The following NUP210L variants were observed in gnomAD, a reference collection of about 807,000 sequenced individuals.
The protein encoded by NUP210L is nucleoporin 210 like, also known as nuclear pore membrane glycoprotein 210-like.
NUP210L carries 74 observed loss-of-function variants against 208.5 expected under a neutral mutation model. The ratio of observed to expected loss-of-function variants is 0.35; its 90% CI spans 0.29 to 0.43. NUP210L has a LOEUF of 0.43. Ranked by LOEUF, NUP210L falls within the 20% of genes least tolerant of loss-of-function variation. NUP210L has a pLI of 1.00. For synonymous variants in NUP210L, 780 were observed against 816.9 expected (o/e 0.95, Z 0.77); for missense variants, 1,843 against 2,289.4 (o/e 0.81, Z 3.98).
At chr1:154,079,361 C>T (rs1199419016) in intron 16 of NUP210L, 1 of 152,068 alleles carries the variant, frequency 6.6e-6, no homozygotes, top group African/African-American at 2.4e-5. Flanking sequence ...TGGGCTTAAG[C>T]AAGCTCCCAC....
In NUP210L at chr1:154,152,851, T is replaced by G. The variant is rs761124843; in HGVS notation, c.225A>C (p.Ala75=). 1.9e-6 allele frequency: 3 copies of G among 1,613,934 alleles called. No homozygotes were observed. The African/African-American group carries it at 4.0e-5, about 22-fold the overall frequency. ...TTTCATATAAAGGCTCAACAGTAAC[T>G]GCATCATGATGGGTGGAATGCCTGC... The change falls in exon 2 of 40, where the codon GCA becomes GCC. Residue 75 remains alanine (A), a synonymous_variant. Transcript: ENST00000368559.
intron 6 of NUP210L, among the ~76,000 whole-genome samples, chr1:154,136,250 G>A (rs1452606173): frequency 6.6e-6 from 1 of 152,086 alleles, no homozygotes; most frequent in South Asian, 2.1e-4. Flanking sequence ...TTAGGAGTTC[G>A]AGACCAGCCT....
At chr1:154,016,533 T>G (rs181668433) in intron 33 of NUP210L, among the ~76,000 whole-genome samples, 44 of 152,060 alleles carry the variant, frequency 2.9e-4, no homozygotes, top group Non-Finnish European at 4.9e-4. Context: ...CAATCCACTA[T>G]TTCTCTCATA....
At chr1:154,061,775 C>T (rs1654155098) in intron 17 of NUP210L, 101 bp from the exon 18 acceptor site, 2 of 749,092 alleles carry the variant, frequency 2.7e-6, no homozygotes, top group African/African-American at 3.6e-5. Context: ...CCAAATGGTG[C>T]TTTATTGCAG....
At chr1:154,136,321 G>GT (rs1172867145) in intron 6 of NUP210L, among the ~76,000 whole-genome samples, 1 of 151,990 alleles carries the variant, frequency 6.6e-6, no homozygotes, top group Non-Finnish European at 1.5e-5. Context: ...GCGTGATGGC[G>GT]TGTGCCTGTA....
chr1:154,147,522 T>C (rs1659179572), intron 2 of NUP210L, among the ~76,000 whole-genome samples: 3 of 146,830 alleles, frequency 2.0e-5, no homozygotes, highest in East Asian at 2.1e-4. Context: ...TTTTTTTTTT[T>C]AGTAGAGACT....
At chr1:154,148,670 T>C (rs924447790) in intron 2 of NUP210L, among the ~76,000 whole-genome samples, 2 of 152,222 alleles carry the variant, frequency 1.3e-5, no homozygotes, top group African/African-American at 4.8e-5. Context: ...TCTAAAATCA[T>C]TTTTAAATTA....
rs1388752016 is a variant in NUP210L at position 154,006,768 on chromosome 1, T to C, written c.4930+3204A>G. Among the ~76,000 whole-genome samples, 3 of 146,794 alleles carry C rather than the reference T, an allele frequency of 2.0e-5. No individual in the cohort carries two copies. In the East Asian group the frequency reaches 6.0e-4, roughly 30 times the overall value. On this transcript the variant is annotated intron_variant, in intron 35 of 39. Transcript: ENST00000368559. ...CCTCGGCCTCCCAAACTGCTGGGAT[T>C]ACAGGCGTGAGCCACCATGCCTGGC...
exon 31 of NUP210L, chr1:154,023,258 T>C (rs772773548): frequency 5.6e-6 from 9 of 1,612,494 alleles, no homozygotes; most frequent in Non-Finnish European, 7.6e-6. Flanking sequence ...GTGTATAGCT[T>C]GGGTTGGCTG....
intron 15 of NUP210L, among the ~76,000 whole-genome samples, chr1:154,090,465 T>C (rs1028505122): frequency 1.3e-5 from 2 of 152,062 alleles, no homozygotes; most frequent in Admixed American, 6.6e-5. Flanking sequence ...CTCAACATGA[T>C]AAAAGCCTTA....
intron 6 of NUP210L, among the ~76,000 whole-genome samples, chr1:154,137,330 A>G (rs965364046): frequency 2.6e-5 from 4 of 152,276 alleles, no homozygotes; most frequent in African/African-American, 9.6e-5. Context: ...AGGCAGATGG[A>G]TCATGAGGCC....
intron 15 of NUP210L, 139 bp downstream of exon 15, chr1:154,094,796 C>T (rs926493094): frequency 6.0e-6 from 4 of 663,704 alleles, no homozygotes; most frequent in Non-Finnish European, 7.6e-6. Context: ...TTAGAAAAAA[C>T]AATCATTTGA....
At chr1:154,137,676 C>T (rs373548911) in intron 6 of NUP210L, among the ~76,000 whole-genome samples, 18 of 152,144 alleles carry the variant, frequency 1.2e-4, no homozygotes, top group African/African-American at 3.9e-4. Context: ...GATCATGCCA[C>T]TGTACTACAA....
rs1047694038 is a variant in NUP210L at position 154,089,412 on chromosome 1, T to C, written c.2361+9A>G. 1 of 1,613,384 alleles carries C rather than the reference T, an allele frequency of 6.2e-7. No individual in the cohort carries two copies. The highest frequency in any genetic ancestry group is 8.5e-7 in the Non-Finnish European group (1 of 1,179,440). On this transcript the variant is annotated intron_variant, in intron 16 of 39. Transcript: ENST00000368559. ...TGCCAACTTAGTTGGAAACATACTC[T>C]GTACTTACCAGCCATTTGTTGTGCT... is the stretch of plus-strand genomic sequence containing the variant.
chr1:154,070,964 T>C (rs1196836330), intron 16 of NUP210L, among the ~76,000 whole-genome samples: 1 of 152,202 alleles, frequency 6.6e-6, no homozygotes, highest in East Asian at 1.9e-4. Context: ...TATGTATGCA[T>C]TGTATTTGAT....
chr1:154,059,453 C>T (rs766602956), intron 20 of NUP210L, among the ~76,000 whole-genome samples: 7 of 152,128 alleles, frequency 4.6e-5, no homozygotes, highest in African/African-American at 7.2e-5. Context: ...TATGATCATG[C>T]CACGCACTCC....
chr1:154,109,527 A>G (rs1434460404), intron 12 of NUP210L, among the ~76,000 whole-genome samples: 1 of 121,744 alleles, frequency 8.2e-6, no homozygotes, highest in Non-Finnish European at 1.7e-5. Flanking sequence ...TTAGTCTACA[A>G]TGTAGACCAA....
In NUP210L at chr1:154,092,978, A is replaced by T. The variant is rs536708144; in HGVS notation, c.2187+1957T>A. Among the ~76,000 whole-genome samples the T allele has an allele frequency of 1.2e-4, 18 of 152,162 alleles. No homozygotes were observed. The South Asian group carries it at 3.7e-3, about 32-fold the overall frequency. On this transcript the variant is annotated intron_variant, in intron 15 of 39. Transcript: ENST00000368559. ...GGCCTCAAGTGATCCTCCTGCCTTGATTCCCCAAAGTGCTGGGATTACAGG... is the reference window on the plus strand; with the variant it reads ...GGCCTCAAGTGATCCTCCTGCCTTGTTTCCCCAAAGTGCTGGGATTACAGG...
chr1:154,025,792 G>T lies in NUP210L; in HGVS notation c.3948-76C>A. On this transcript the variant is annotated intron_variant, in intron 29 of 39. Coordinates refer to ENST00000368559, the Ensembl canonical transcript of NUP210L. ...GAGAGAAAAGAGTAAAAATTTCCAGGATTACTGTTAGGGGATGTACTCGAG... is the reference window on the plus strand; with the variant it reads ...GAGAGAAAAGAGTAAAAATTTCCAGTATTACTGTTAGGGGATGTACTCGAG... The T allele has an allele frequency of 5.2e-6, 7 of 1,341,216 alleles. 1 individual carries two copies. The South Asian group carries it at 8.4e-5, about 16-fold the overall frequency. The allele number at this position is 1,341,216 out of a possible 1,614,324, so 83.1% of individuals were successfully genotyped here. A position where few individuals can be genotyped will look rare whatever the true frequency, so the allele number is the denominator to read the frequency against.
Sources: gnomAD v4.1 joint callset for allele counts (sites outside exome capture counted in the v4.1 genomes callset) on GRCh38, gnomAD v4.1.1 for gene constraint, MANE v1.5 for transcripts, NCBI Gene and HGNC (gene_info 2026-07-23, HGNC 2026-07-21) for gene names.